DPP10: variants seen among roughly 807,000 people sequenced by gnomAD.
DPP10 encodes dipeptidyl peptidase like 10.
Under a neutral mutation model 120.9 loss-of-function variants are expected in DPP10, and 33 were observed. The observed-to-expected ratio is 0.27, with a 90% CI of 0.21 to 0.37. The LOEUF is 0.37. Ranked by LOEUF, DPP10 falls within the 10% of genes least tolerant of loss-of-function variation. The pLI is 1.00. For missense variants in DPP10, 816 were observed against 942.8 expected (o/e 0.87, Z 1.76); for synonymous variants, 337 against 326.1 (o/e 1.03, Z -0.36).
At chr2:114,694,496 G>A (rs897156313) in intron 1 of DPP10, among the ~76,000 whole-genome samples, 6 of 151,834 alleles carry the variant, frequency 4.0e-5, no homozygotes, top group African/African-American at 1.4e-4. Flanking sequence ...TTGCAGTGAA[G>A]GAAATAAAAT....
At chr2:114,761,264 T>G (rs1159518709) in intron 1 of DPP10, among the ~76,000 whole-genome samples, 1 of 152,204 alleles carries the variant, frequency 6.6e-6, no homozygotes, top group Non-Finnish European at 1.5e-5. Flanking sequence ...TTTCAGTAAT[T>G]TAAGTAAATC....
intron 1 of DPP10, among the ~76,000 whole-genome samples, chr2:114,773,089 G>C (rs1214046860): frequency 6.6e-6 from 1 of 152,066 alleles, no homozygotes; most frequent in Non-Finnish European, 1.5e-5. Flanking sequence ...GATTACATTA[G>C]AACATCTGGT....
intron 1 of DPP10, among the ~76,000 whole-genome samples, chr2:115,083,905 T>C (rs1255039483): frequency 6.6e-6 from 1 of 152,170 alleles, no homozygotes; most frequent in Non-Finnish European, 1.5e-5. Flanking sequence ...GTAGTTAACA[T>C]GGCAGGGATA....
intron 4 of DPP10, 29 bp downstream of exon 4, chr2:115,499,633 G>A: frequency 6.5e-7 from 1 of 1,530,520 alleles, no homozygotes; most frequent in Non-Finnish European, 9.0e-7. Context: ...ATTACTTTAT[G>A]CATTTCAGTA....
chr2:115,512,105 A>C (rs969255), intron 4 of DPP10, among the ~76,000 whole-genome samples: 62,828 of 144,174 alleles, frequency 0.44, 13,934 homozygotes, highest in East Asian at 0.66. Context: ...CTTCTCTTCT[A>C]TTTTTCTTTC....
chr2:115,356,289 T>A (rs2064382625), intron 3 of DPP10, among the ~76,000 whole-genome samples: 1 of 152,098 alleles, frequency 6.6e-6, no homozygotes, highest in South Asian at 2.1e-4. Context: ...TTAGCTATAT[T>A]CCTAGGTATT....
intron 5 of DPP10, among the ~76,000 whole-genome samples, chr2:115,684,254 C>G (rs2149482318): frequency 6.6e-6 from 1 of 151,912 alleles, no homozygotes; most frequent in South Asian, 2.1e-4. Context: ...TGTAGTTTAT[C>G]ATTGTGTGAA....
At chr2:115,063,889 G>A (rs557614599) in intron 1 of DPP10, among the ~76,000 whole-genome samples, 1 of 152,186 alleles carries the variant, frequency 6.6e-6, no homozygotes, top group South Asian at 2.1e-4. Context: ...GTTTTTTTAT[G>A]TATATAAGGT....
chr2:115,537,603 A>T (rs13001120), intron 5 of DPP10, among the ~76,000 whole-genome samples: 1 of 145,812 alleles, frequency 6.9e-6, no homozygotes, highest in African/African-American at 2.5e-5. Context: ...TGTATGGTCT[A>T]GAACAAAAAA....
At chr2:114,912,290 A>G (rs947732922) in intron 1 of DPP10, among the ~76,000 whole-genome samples, 3 of 152,074 alleles carry the variant, frequency 2.0e-5, no homozygotes, top group African/African-American at 7.2e-5. Flanking sequence ...CTATATAACC[A>G]CTGTGATTCA....
intron 1 of DPP10, among the ~76,000 whole-genome samples, chr2:114,864,256 G>A (rs956969835): frequency 6.6e-6 from 1 of 151,284 alleles, no homozygotes; most frequent in Non-Finnish European, 1.5e-5. Flanking sequence ...TGTGAAATTT[G>A]CAGTGAATAC....
At chr2:114,695,353 C>T (rs543042447) in intron 1 of DPP10, among the ~76,000 whole-genome samples, 42 of 152,062 alleles carry the variant, frequency 2.8e-4, no homozygotes, top group Admixed American at 3.9e-4. Context: ...AGATCTAGAG[C>T]GGGGGCCATT....
At chr2:115,035,622 T>C (rs900535855) in intron 1 of DPP10, among the ~76,000 whole-genome samples, 4 of 152,224 alleles carry the variant, frequency 2.6e-5, no homozygotes, top group Admixed American at 2.0e-4. Context: ...TTATGGTAGA[T>C]ACTGCTTTTA....
At chr2:115,545,498 TA>T (rs1376936635) in intron 5 of DPP10, among the ~76,000 whole-genome samples, 1 of 152,118 alleles carries the variant, frequency 6.6e-6, no homozygotes, top group Non-Finnish European at 1.5e-5. Context: ...AGTTTTCCAA[TA>T]TTTTTTTCTT....
chr2:114,968,968 G>A (rs887943456), intron 1 of DPP10, among the ~76,000 whole-genome samples: 4 of 152,140 alleles, frequency 2.6e-5, no homozygotes, highest in Non-Finnish European at 5.9e-5. Context: ...TCACATTCTA[G>A]ACTGAGCCAA....
chr2:115,225,493 ATG>A (rs35747472), intron 1 of DPP10, among the ~76,000 whole-genome samples: 59,840 of 149,928 alleles, frequency 0.4, 13,084 homozygotes, highest in Non-Finnish European at 0.5. Context: ...AACCGCATGA[ATG>A]TGTGTGTGTG....
At chr2:114,453,627 C>T (rs1340337126) in intron 1 of DPP10, among the ~76,000 whole-genome samples, 2 of 152,084 alleles carry the variant, frequency 1.3e-5, no homozygotes, top group African/African-American at 4.8e-5. Flanking sequence ...ACAGGAGTAA[C>T]ATGAGGATTG....
intron 1 of DPP10, among the ~76,000 whole-genome samples, chr2:114,861,213 G>A (rs2106527891): frequency 6.6e-6 from 1 of 152,298 alleles, no homozygotes; most frequent in Non-Finnish European, 1.5e-5. Context: ...ACAGAGAGTA[G>A]GCAGACTGTA....
At chr2:115,428,495 CAGA>C (rs796612004) in intron 3 of DPP10, among the ~76,000 whole-genome samples, 4 of 152,186 alleles carry the variant, frequency 2.6e-5, no homozygotes, top group East Asian at 3.9e-4. Context: ...TTACTCATGG[CAGA>C]AGGTGAAGCA....
Sources: gnomAD v4.1 joint callset for allele counts (sites outside exome capture counted in the v4.1 genomes callset) on GRCh38, gnomAD v4.1.1 for gene constraint, MANE v1.5 for transcripts, NCBI Gene and HGNC (gene_info 2026-07-23, HGNC 2026-07-21) for gene names.